Variants in PARD3 observed in about 807,000 individuals in gnomAD.
PARD3 encodes par-3 family cell polarity regulator.
In PARD3, 75 loss-of-function variants were observed where a neutral mutation model predicts 155.4. The observed-to-expected ratio is 0.48, with a 90% CI of 0.40 to 0.58. The LOEUF is 0.58. Ranked by LOEUF, PARD3 falls within the 20% of genes least tolerant of loss-of-function variation. PARD3 has a pLI of 0.00. For missense variants in PARD3, 1,642 were observed against 1,721.7 expected (o/e 0.95, Z 0.82); for synonymous variants, 576 against 610.5 (o/e 0.94, Z 0.83).
intron 2 of PARD3, among the ~76,000 whole-genome samples, chr10:34,610,675 T>C (rs1360321345): frequency 6.6e-6 from 1 of 152,210 alleles, no homozygotes; most frequent in East Asian, 1.9e-4. Context: ...ATATATATAA[T>C]GTGGTTGCTG....
chr10:34,744,062 A>G (rs1357104606), intron 1 of PARD3, among the ~76,000 whole-genome samples: 2 of 152,238 alleles, frequency 1.3e-5, no homozygotes, highest in Non-Finnish European at 2.9e-5. Context: ...GAGCCAATCC[A>G]GATGACTACT....
At chr10:34,156,450 C>T (rs573325656) in intron 22 of PARD3, among the ~76,000 whole-genome samples, 17 of 152,252 alleles carry the variant, frequency 1.1e-4, no homozygotes, top group Admixed American at 5.2e-4. Context: ...TGCTGAACAT[C>T]ACAATTTCCA....
chr10:34,727,702 A>G (rs1781219415), intron 1 of PARD3, among the ~76,000 whole-genome samples: 1 of 151,868 alleles, frequency 6.6e-6, no homozygotes. Context: ...AATCACACAC[A>G]CTGTTGCCAG....
chr10:34,806,518 C>CG (rs1268061635), intron 1 of PARD3, among the ~76,000 whole-genome samples: 4 of 151,798 alleles, frequency 2.6e-5, no homozygotes, highest in Admixed American at 2.6e-4. Context: ...TAAAAAGAGA[C>CG]GGGGTCTCAC....
chr10:34,166,621 C>A (rs564068447), intron 22 of PARD3, among the ~76,000 whole-genome samples: 1 of 149,180 alleles, frequency 6.7e-6, no homozygotes, highest in Non-Finnish European at 1.5e-5. Context: ...AGAGTAAGAT[C>A]CTGTCTAAAA....
rs1222656259 is a variant in PARD3, at chr10:34,355,941, A to ACAAC, written c.2067+3205_2067+3206insGTTG. Among the ~76,000 whole-genome samples, 143 of 131,968 alleles carry ACAAC rather than the reference A, an allele frequency of 1.1e-3. 3 individuals carry two copies. Among genetic ancestry groups the ACAAC allele is most frequent in the Non-Finnish European group, 1.5e-3 (102 of 66,820 alleles). 86.6% of individuals were successfully genotyped at this position (131,968 alleles called of 152,430 possible). ...CTCCGTCTCAAAAAAAAAAAAAAAA[A>ACAAC]AAAAACAAAACAAAACCAAACAAAA... On this transcript the variant is annotated intron_variant, in intron 14 of 24. Transcript: ENST00000374788.
chr10:34,467,659 A>T (rs1206913253), intron 4 of PARD3, among the ~76,000 whole-genome samples: 1 of 152,118 alleles, frequency 6.6e-6, no homozygotes, highest in Non-Finnish European at 1.5e-5. Context: ...AGGCAGGAGA[A>T]TGCTTGAACC....
intron 20 of PARD3, among the ~76,000 whole-genome samples, chr10:34,294,334 C>A (rs1956808259): frequency 6.6e-6 from 1 of 152,242 alleles, no homozygotes; most frequent in African/African-American, 2.4e-5. Flanking sequence ...GAAACACCTT[C>A]AAATATTTTC....
At chr10:34,319,471 G>A (rs1052044494) in intron 19 of PARD3, among the ~76,000 whole-genome samples, 1 of 152,142 alleles carries the variant, frequency 6.6e-6, no homozygotes, top group African/African-American at 2.4e-5. Context: ...CAAAGGACAT[G>A]GTGGCTTTTA....
intron 2 of PARD3, among the ~76,000 whole-genome samples, chr10:34,633,596 G>A (rs1186525774): frequency 3.3e-5 from 5 of 152,190 alleles, no homozygotes; most frequent in African/African-American, 4.8e-5. Flanking sequence ...ACGTAGGCTG[G>A]TGCCGTATCT....
At position 34,225,338 on chromosome 10, in the gene PARD3, GTTTTTTTTCTCTTTTT is replaced by G. The variant is rs200344442; in HGVS notation, c.3419+44303_3419+44318del. On this transcript the variant is annotated intron_variant, in intron 22 of 24. Coordinates refer to ENST00000374788, the MANE Select transcript of PARD3 (RefSeq NM_001184785.2). ...AAAGTTCACCAGGCAGACTGGACTA[GTTTTTTTTCTCTTTTT>G]TTTTTTTTAGGACAGAGTTTCACTC... 9.7e-3 allele frequency among the ~76,000 whole-genome samples: 1,458 copies of G among 150,172 alleles called. 28 individuals are homozygous for G. The highest frequency in any genetic ancestry group is 0.033 in the African/African-American group (1,342 of 40,254).
At chr10:34,754,361 A>C (rs377078755) in intron 1 of PARD3, among the ~76,000 whole-genome samples, 1 of 152,276 alleles carries the variant, frequency 6.6e-6, no homozygotes, top group African/African-American at 2.4e-5. Context: ...GCATCTATTT[A>C]CCTTACCAAT....
In PARD3 at chr10:34,395,710, G is replaced by A. The variant is rs1020532295; in HGVS notation, c.890+3620C>T. 4.6e-4 allele frequency among the ~76,000 whole-genome samples: 37 copies of A among 80,268 alleles called. 11 individuals are homozygous for A. The highest frequency in any genetic ancestry group is 6.5e-4 in the Non-Finnish European group (31 of 47,356). The allele number at this position is 80,268 out of a possible 152,430, so 52.7% of individuals were successfully genotyped here. ...AAATTAGCCGGGCGCGGTGGCGGGC[G>A]CCTGTAGTCCCAGCTACTCGGGAGG... On this transcript the variant is annotated intron_variant, in intron 7 of 24. Transcript: ENST00000374788.
chr10:34,557,285 C>G (rs2085081196), intron 2 of PARD3, among the ~76,000 whole-genome samples: 1 of 152,094 alleles, frequency 6.6e-6, no homozygotes, highest in East Asian at 1.9e-4. Context: ...CTTTTGTATC[C>G]TCAGTACCCA....
intron 2 of PARD3, among the ~76,000 whole-genome samples, chr10:34,629,117 G>A (rs191475439): frequency 1.9e-4 from 29 of 152,276 alleles, no homozygotes; most frequent in Non-Finnish European, 2.8e-4. Context: ...CAATTGGTGC[G>A]GTAATGAAAG....
chr10:34,499,399 T>A (rs2080518531), intron 3 of PARD3, among the ~76,000 whole-genome samples: 1 of 152,190 alleles, frequency 6.6e-6, no homozygotes, highest in East Asian at 1.9e-4. Flanking sequence ...CTCTGGACAC[T>A]CAGCAAGCAT....
chr10:34,424,144 G>A (rs1327676814), intron 5 of PARD3, among the ~76,000 whole-genome samples: 1 of 152,080 alleles, frequency 6.6e-6, no homozygotes, highest in Non-Finnish European at 1.5e-5. Flanking sequence ...AAAAGTCAAA[G>A]AGCAGCTAAA....
Position 34,339,479 on chromosome 10 carries a change from G to T in PARD3, c.2409-2053C>A, listed in dbSNP as rs564233549. ...AATTGTTGGTAAAAGATTTTTCAAA[G>T]AAATACAAATTGTCACTGCCAATCT... On this transcript the variant is annotated intron_variant, in intron 16 of 24. Coordinates refer to ENST00000374788, the MANE Select transcript of PARD3 (RefSeq NM_001184785.2). Among the ~76,000 whole-genome samples the T allele has an allele frequency of 3.2e-4, 49 of 152,204 alleles. No individual in the cohort carries two copies. In the South Asian group the frequency reaches 3.3e-3, roughly 10 times the overall value.
At chr10:34,530,778 A>G (rs1259670336) in intron 2 of PARD3, among the ~76,000 whole-genome samples, 5 of 152,172 alleles carry the variant, frequency 3.3e-5, no homozygotes, top group African/African-American at 1.2e-4. Context: ...GGTCCCTTCC[A>G]TAGTAACGAC....
Sources: gnomAD v4.1 joint callset for allele counts (sites outside exome capture counted in the v4.1 genomes callset) on GRCh38, gnomAD v4.1.1 for gene constraint, MANE v1.5 for transcripts, NCBI Gene and HGNC (gene_info 2026-07-23, HGNC 2026-07-21) for gene names.